Variants in OXR1 observed in about 807,000 individuals in gnomAD.
The protein encoded by OXR1 is oxidation resistance protein 1.
A neutral mutation model predicts 104.6 loss-of-function variants in OXR1; 41 were observed. The observed-to-expected ratio is 0.39, with a 90% CI of 0.31 to 0.51. The LOEUF (loss-of-function observed/expected upper bound fraction) is 0.51. OXR1 is among the 20% of genes least tolerant of loss of function. The pLI, the probability that OXR1 is intolerant of heterozygous loss-of-function variation, is 0.77. For missense variants in OXR1, 955 were observed against 1,031.9 expected (o/e 0.93, Z 1.02); for synonymous variants, 348 against 348.4 (o/e 1.00, Z 0.01).
At chr8:106,659,882 C>T (rs1474822639) in intron 3 of OXR1, among the ~76,000 whole-genome samples, 1 of 152,186 alleles carries the variant, frequency 6.6e-6, no homozygotes, top group African/African-American at 2.4e-5. Context: ...AGTGGCGCTT[C>T]TGAAGTGATA....
intron 2 of OXR1, among the ~76,000 whole-genome samples, chr8:106,468,751 G>A (rs998862682): frequency 6.6e-6 from 1 of 151,770 alleles, no homozygotes; most frequent in African/African-American, 2.4e-5. Flanking sequence ...ATTGCAGTTG[G>A]ACAAGAAAGA....
chr8:106,465,093 G>C (rs536310986), intron 2 of OXR1, among the ~76,000 whole-genome samples: 2 of 151,984 alleles, frequency 1.3e-5, no homozygotes, highest in Admixed American at 1.3e-4. Context: ...AATGGAAGGG[G>C]GATGTAAAAT....
chr8:106,616,787 G>A (rs564474118), intron 3 of OXR1, among the ~76,000 whole-genome samples: 4 of 152,262 alleles, frequency 2.6e-5, no homozygotes, highest in African/African-American at 9.6e-5. Context: ...AACTCTGCAC[G>A]TGGTTTTTGA....
intron 3 of OXR1, among the ~76,000 whole-genome samples, chr8:106,521,613 A>G (rs1813267390): frequency 6.6e-6 from 1 of 152,118 alleles, no homozygotes; most frequent in Non-Finnish European, 1.5e-5. Context: ...CCAGGGTTCA[A>G]GCGATTCTCC....
At chr8:106,728,977 T>C (rs1018714677) in intron 11 of OXR1, among the ~76,000 whole-genome samples, 25 of 152,310 alleles carry the variant, frequency 1.6e-4, no homozygotes, top group African/African-American at 5.8e-4. Flanking sequence ...GTATGTCGAA[T>C]TGTTTACATC....
intron 1 of OXR1, among the ~76,000 whole-genome samples, chr8:106,340,719 G>C (rs1815209387): frequency 6.6e-6 from 1 of 152,120 alleles, no homozygotes; most frequent in South Asian, 2.1e-4. Context: ...ACTTAGAACA[G>C]TGCCTCTCAT....
At chr8:106,554,552 G>T (rs1261921206) in intron 3 of OXR1, among the ~76,000 whole-genome samples, 1 of 152,268 alleles carries the variant, frequency 6.6e-6, no homozygotes, top group East Asian at 1.9e-4. Flanking sequence ...TTGCACTATG[G>T]TTAGGTAACA....
chr8:106,706,510 C>G lies in OXR1; in HGVS notation c.989C>G (p.Thr330Ser). 4 of 1,605,628 alleles carry G rather than the reference C, an allele frequency of 2.5e-6. No individual in the cohort carries two copies. Among genetic ancestry groups the G allele is most frequent in the Non-Finnish European group, 3.4e-6 (4 of 1,177,708 alleles). The change falls in exon 9 of 17, where the codon ACT becomes AGT. Residue 330 changes from threonine to serine, a missense_variant. By Grantham distance (58) the Thr-to-Ser change is moderately conservative. Around this residue, in one of 2 missense-constraint regions of OXR1, gnomAD observed 849 missense variants for 852.9 expected, o/e 1.00. Coordinates refer to ENST00000517566, the MANE Select transcript of OXR1 (RefSeq NM_001198533.2). ...AGTGCCAGCACTGCTCCTAGGAGCACTGAGGAGTCTCTTTCTGAAGATGTG... is the reference window on the plus strand; with the variant it reads ...AGTGCCAGCACTGCTCCTAGGAGCAGTGAGGAGTCTCTTTCTGAAGATGTG... ...NDSASTAPRS[T>S]EESLSEDVFT...
At chr8:106,516,362 C>G (rs1812859878) in intron 2 of OXR1, among the ~76,000 whole-genome samples, 1 of 152,122 alleles carries the variant, frequency 6.6e-6, no homozygotes, top group African/African-American at 2.4e-5. Context: ...GGCTTGTTTA[C>G]TTATCACCTG....
intron 9 of OXR1, among the ~76,000 whole-genome samples, chr8:106,710,281 A>G (rs936832010): frequency 6.6e-6 from 1 of 151,128 alleles, no homozygotes; most frequent in African/African-American, 2.4e-5. Flanking sequence ...GAGAATATGT[A>G]GAAAATTATA....
chr8:106,501,628 G>A (rs1011485661), intron 2 of OXR1, among the ~76,000 whole-genome samples: 2 of 152,198 alleles, frequency 1.3e-5, no homozygotes, highest in African/African-American at 2.4e-5. Flanking sequence ...TCTTTTAGGA[G>A]TCTCCCAATG....
chr8:106,624,837 C>CTGGAGTACAGTGA lies in OXR1; in HGVS notation c.221-54370_221-54358dup, dbSNP rs563324424. The stretch of plus-strand genomic sequence containing the variant: ...GACAGGATCTCACTCTGTTGCCGGG[C>CTGGAGTACAGTGA]TGGAGTACAGTGATGCAATCATGGC... On this transcript the variant is annotated intron_variant, in intron 3 of 16. Coordinates refer to ENST00000517566, the MANE Select transcript of OXR1 (RefSeq NM_001198533.2). Among the ~76,000 whole-genome samples the CTGGAGTACAGTGA allele has an allele frequency of 2.0e-5, 3 of 152,100 alleles. No homozygotes were observed. The South Asian group carries it at 6.2e-4, about 32-fold the overall frequency.
intron 3 of OXR1, among the ~76,000 whole-genome samples, chr8:106,656,834 A>AT (rs1825134666): frequency 6.6e-6 from 1 of 151,940 alleles, no homozygotes; most frequent in African/African-American, 2.4e-5. Flanking sequence ...AAAAAAAAAA[A>AT]AAAAAAGAGG....
At chr8:106,407,946 C>A (rs945648011) in intron 2 of OXR1, among the ~76,000 whole-genome samples, 28 of 152,296 alleles carry the variant, frequency 1.8e-4, no homozygotes, top group African/African-American at 6.5e-4. Context: ...ACGTTTTGTG[C>A]TACCCATCAG....
chr8:106,449,814 ATT>A (rs919469434), intron 2 of OXR1, among the ~76,000 whole-genome samples: 1 of 151,032 alleles, frequency 6.6e-6, no homozygotes, highest in Non-Finnish European at 1.5e-5. Context: ...TTGTCTTTTA[ATT>A]TTTTTTTGCT....
At chr8:106,405,166 A>AG (rs1391799947) in intron 2 of OXR1, among the ~76,000 whole-genome samples, 2,094 of 63,126 alleles carry the variant, frequency 0.033, 145 homozygotes, top group East Asian at 0.15. Flanking sequence ...ATATATATAT[A>AG]TATATATATA....
At chr8:106,316,703 A>G (rs1813957428) in intron 1 of OXR1, among the ~76,000 whole-genome samples, 1 of 103,218 alleles carries the variant, frequency 9.7e-6, no homozygotes, top group Admixed American at 1.1e-4. Context: ...CTATCTATCT[A>G]TCTATCTATC....
chr8:106,595,417 G>A (rs536453730), intron 3 of OXR1, among the ~76,000 whole-genome samples: 27 of 152,090 alleles, frequency 1.8e-4, no homozygotes, highest in African/African-American at 5.3e-4. Context: ...AGGCATGGTC[G>A]TGGGCGCTTG....
chr8:106,351,045 T>A (rs1377302476), intron 1 of OXR1, among the ~76,000 whole-genome samples: 1 of 152,170 alleles, frequency 6.6e-6, no homozygotes, highest in Admixed American at 6.5e-5. Flanking sequence ...GTATAGACAT[T>A]TTAGGAGTCT....
Sources: gnomAD v4.1 joint callset for allele counts (sites outside exome capture counted in the v4.1 genomes callset) on GRCh38, gnomAD v4.1.1 for gene constraint, gnomAD v4.1.1 regional missense constraint, MANE v1.5 for transcripts, NCBI Gene and HGNC (gene_info 2026-07-23, HGNC 2026-07-21) for gene names.